Variants in HHAT observed in about 807,000 individuals in gnomAD.
The protein encoded by HHAT is hedgehog acyltransferase, also known as protein-cysteine N-palmitoyltransferase HHAT.
Under a neutral mutation model 70.8 loss-of-function variants are expected in HHAT, and 47 were observed. The ratio of observed to expected loss-of-function variants is 0.66; its 90% CI spans 0.53 to 0.85. HHAT has a LOEUF of 0.85. Among genes scored for constraint, HHAT ranks in the 40% least tolerant of loss-of-function variants. The pLI, the probability that HHAT is intolerant of heterozygous loss-of-function variation, is 0.00. For missense variants in HHAT, 609 were observed against 604.8 expected (o/e 1.01, Z -0.07); for synonymous variants, 228 against 247.6 (o/e 0.92, Z 0.74).
intron 3 of HHAT, among the ~76,000 whole-genome samples, chr1:210,370,042 CTCT>C (rs909071849): frequency 1.3e-4 from 19 of 152,000 alleles, no homozygotes; most frequent in African/African-American, 4.4e-4. Context: ...CCCTGTCTCT[CTCT>C]TCTTTCTCTT....
chr1:210,437,663 C>A (rs942965976), intron 7 of HHAT, among the ~76,000 whole-genome samples: 3 of 151,796 alleles, frequency 2.0e-5, no homozygotes, highest in African/African-American at 7.3e-5. Context: ...ACAGGCCATG[C>A]TACCTTGTTA....
At chr1:210,461,832 C>T (rs980533166) in intron 7 of HHAT, among the ~76,000 whole-genome samples, 2 of 151,882 alleles carry the variant, frequency 1.3e-5, no homozygotes, top group African/African-American at 2.4e-5. Context: ...TATCTTAAGC[C>T]GTAAGAAATA....
At chr1:210,661,043 C>T (rs536250279) in intron 11 of HHAT, among the ~76,000 whole-genome samples, 26 of 152,290 alleles carry the variant, frequency 1.7e-4, no homozygotes, top group African/African-American at 5.5e-4. Context: ...AAAGCAATGG[C>T]AACAAAAGCC....
intron 11 of HHAT, among the ~76,000 whole-genome samples, chr1:210,637,418 C>T (rs1017652429): frequency 6.6e-6 from 1 of 152,086 alleles, no homozygotes; most frequent in African/African-American, 2.4e-5. Flanking sequence ...AATTGGGTGT[C>T]ATCAAAACTA....
At chr1:210,436,761 C>A (rs1488293473) in intron 7 of HHAT, among the ~76,000 whole-genome samples, 4 of 151,820 alleles carry the variant, frequency 2.6e-5, no homozygotes, top group Non-Finnish European at 4.4e-5. Flanking sequence ...TTATATTCCT[C>A]CTGCCTCCAT....
intron 5 of HHAT, among the ~76,000 whole-genome samples, chr1:210,402,571 C>G (rs533223273): frequency 3.9e-5 from 6 of 152,102 alleles, no homozygotes; most frequent in Non-Finnish European, 5.9e-5. Context: ...AGTTAGTGTC[C>G]GATACTGCTC....
intron 10 of HHAT, among the ~76,000 whole-genome samples, chr1:210,595,110 C>A (rs994432727): frequency 5.9e-5 from 9 of 152,018 alleles, no homozygotes; most frequent in Non-Finnish European, 1.0e-4. Context: ...TGCTATTCCT[C>A]CCCACTCCCC....
intron 11 of HHAT, among the ~76,000 whole-genome samples, chr1:210,658,819 A>G (rs1379591199): frequency 2.0e-5 from 3 of 152,254 alleles, no homozygotes; most frequent in Non-Finnish European, 4.4e-5. Flanking sequence ...AAACTGAACA[A>G]CTTGCTCCCG....
intron 9 of HHAT, among the ~76,000 whole-genome samples, chr1:210,561,398 G>A (rs1558164578): frequency 6.6e-6 from 1 of 152,248 alleles, no homozygotes; most frequent in Non-Finnish European, 1.5e-5. Flanking sequence ...TGGGCAAAGA[G>A]AGTTAGCACG....
At chr1:210,470,954 A>G (rs1184891842) in intron 8 of HHAT, among the ~76,000 whole-genome samples, 1 of 152,156 alleles carries the variant, frequency 6.6e-6, no homozygotes, top group Admixed American at 6.5e-5. Context: ...GTCACACTCT[A>G]CTTGGTTGCA....
chr1:210,593,610 G>C (rs1194612145), intron 10 of HHAT, among the ~76,000 whole-genome samples: 1 of 152,112 alleles, frequency 6.6e-6, no homozygotes, highest in Admixed American at 6.6e-5. Context: ...CCTTGATAAA[G>C]ATCCATACGT....
chr1:210,631,457 CTT>C (rs1015313283), intron 11 of HHAT, among the ~76,000 whole-genome samples: 3 of 152,238 alleles, frequency 2.0e-5, no homozygotes, highest in African/African-American at 7.2e-5. Context: ...ACCTACAACT[CTT>C]TATCCCAAGC....
chr1:210,464,458 T>C, intron 7 of HHAT, 47 bp from the exon 8 acceptor site: 1 of 1,609,654 alleles, frequency 6.2e-7, no homozygotes, highest in Non-Finnish European at 8.5e-7. Flanking sequence ...TCCAGGAAAC[T>C]GCTGTGATTC....
At chr1:210,538,625 C>A (rs1288405761) in intron 9 of HHAT, among the ~76,000 whole-genome samples, 1 of 152,204 alleles carries the variant, frequency 6.6e-6, no homozygotes, top group African/African-American at 2.4e-5. Flanking sequence ...AGATTGTCTT[C>A]TACATTGTAG....
chr1:210,638,434 T>C (rs1299676139), intron 11 of HHAT, among the ~76,000 whole-genome samples: 3 of 152,158 alleles, frequency 2.0e-5, no homozygotes. Flanking sequence ...AAGGACCACA[T>C]GTTGTTGATT....
chr1:210,640,648 T>G (rs1053111632), intron 11 of HHAT, among the ~76,000 whole-genome samples: 3 of 151,752 alleles, frequency 2.0e-5, no homozygotes, highest in African/African-American at 7.3e-5. Context: ...CATGCGTGCG[T>G]GTAACCCCCG....
intron 10 of HHAT, among the ~76,000 whole-genome samples, chr1:210,614,154 G>A (rs1024280964): frequency 6.6e-6 from 1 of 151,446 alleles, no homozygotes; most frequent in Middle Eastern, 3.2e-3. Context: ...TTATTCCTAA[G>A]TATTTTATTC....
intron 7 of HHAT, among the ~76,000 whole-genome samples, chr1:210,441,928 C>A (rs967149740): frequency 6.6e-6 from 1 of 151,548 alleles, no homozygotes; most frequent in Non-Finnish European, 1.5e-5. Context: ...TATACATGTG[C>A]CATGCTGGTG....
chr1:210,605,061 G>A (rs1248689897), intron 10 of HHAT, among the ~76,000 whole-genome samples: 1 of 150,824 alleles, frequency 6.6e-6, no homozygotes, highest in Non-Finnish European at 1.5e-5. Flanking sequence ...TTGAAAGATA[G>A]AGGTGTCATT....
Sources: allele counts gnomAD v4.1 joint callset (sites outside exome capture counted in the v4.1 genomes callset), GRCh38; gene constraint gnomAD v4.1.1; transcripts MANE v1.5; gene names NCBI Gene and HGNC (gene_info 2026-07-23, HGNC 2026-07-21).